The following MAGT1 variants were observed in gnomAD, a reference collection of about 807,000 sequenced individuals.
The protein encoded by MAGT1 is magnesium transporter 1.
A neutral mutation model predicts 28.4 loss-of-function variants in MAGT1; 4 were observed. The observed-to-expected ratio is 0.14, with a 90% CI of 0.07 to 0.32. The LOEUF (loss-of-function observed/expected upper bound fraction) is 0.32, where lower values mean the gene tolerates loss of function less well. Among genes scored for constraint, MAGT1 ranks in the 10% least tolerant of loss-of-function variants. MAGT1 has a pLI of 1.00. For missense variants in MAGT1, 193 were observed against 264.5 expected (o/e 0.73, Z 1.88); for synonymous variants, 89 against 89.7 (o/e 0.99, Z 0.04).
intron 1 of MAGT1, among the ~76,000 whole-genome samples, chrX:77,883,553 CTTTTT>C (rs1166624171): frequency 1.6e-5 from 1 of 61,710 alleles, no homozygotes; most frequent in African/African-American, 5.9e-5. Flanking sequence ...AATTCATTTT[CTTTTT>C]TTTTTTTTTT....
intron 1 of MAGT1, chrX:77,885,308 A>T (rs1557218905): frequency 1.9e-5 from 2 of 107,737 alleles, no homozygotes. Context: ...GCGGATCATG[A>T]GGTCAGGAGT....
At chrX:77,886,699 C>G (rs2086691408) in intron 1 of MAGT1, among the ~76,000 whole-genome samples, 1 of 111,179 alleles carries the variant, frequency 9.0e-6, no homozygotes, top group Non-Finnish European at 1.9e-5. Flanking sequence ...GATTTCATCC[C>G]CCAGTACATT....
At position 77,828,350 on chromosome X, in the gene MAGT1, G is replaced by A. The variant is rs1352369055; in HGVS notation, c.*870C>T. ...GGAGACTGAGGCGGGCGGATCACTT[G>A]AGCCCAGGAGTTCAAGACCAGCCTG... On this transcript the variant is annotated 3_prime_UTR_variant, in exon 10 of 10. Transcript: ENST00000618282. 2 of 109,712 alleles carry A rather than the reference G, an allele frequency of 1.8e-5. No homozygotes were observed. Among genetic ancestry groups the A allele is most frequent in the Non-Finnish European group, 3.8e-5 (2 of 52,703 alleles). The allele number at this position is 109,712 out of a possible 1,213,427, so 9.0% of individuals were successfully genotyped here. A position where few individuals can be genotyped will look rare whatever the true frequency, so the allele number is the denominator to read the frequency against.
chrX:77,886,567 C>T (rs377055289), intron 1 of MAGT1, among the ~76,000 whole-genome samples: 135 of 110,600 alleles, frequency 1.2e-3, no homozygotes, highest in South Asian at 3.1e-3. Context: ...CATTTGAGCC[C>T]AGAAATTTGA....
intron 8 of MAGT1, 82 bp downstream of exon 8, chrX:77,841,163 TA>T: frequency 1.3e-6 from 1 of 746,182 alleles, no homozygotes; most frequent in Non-Finnish European, 2.1e-6. Flanking sequence ...ACTTATCCTA[TA>T]AGTAAGAGGA....
chrX:77,830,935 G>GTA, intron 8 of MAGT1, 40 bp from the exon 9 acceptor site: 1 of 683,649 alleles, frequency 1.5e-6, no homozygotes. Flanking sequence ...AGCAGGTTGA[G>GTA]TATAATAAAT....
intron 6 of MAGT1, among the ~76,000 whole-genome samples, chrX:77,854,556 C>T (rs2076976816): frequency 9.1e-6 from 1 of 110,390 alleles, no homozygotes; most frequent in African/African-American, 3.3e-5. Flanking sequence ...ACTATGCTGC[C>T]CAAGTTGGTC....
At chrX:77,880,054 G>C (rs2077047264) in intron 1 of MAGT1, among the ~76,000 whole-genome samples, 1 of 102,986 alleles carries the variant, frequency 9.7e-6, no homozygotes, top group Non-Finnish European at 2.0e-5. Flanking sequence ...GGCCAGGCTG[G>C]TCTTGAACTC....
intron 2 of MAGT1, among the ~76,000 whole-genome samples, chrX:77,872,081 G>A (rs1205314771): frequency 9.2e-6 from 1 of 108,299 alleles, no homozygotes; most frequent in Admixed American, 1.0e-4. Context: ...CTCGCTCTGT[G>A]GCCCAGGCTG....
At chrX:77,881,478 CT>C (rs1298769247) in intron 1 of MAGT1, among the ~76,000 whole-genome samples, 2 of 100,598 alleles carry the variant, frequency 2.0e-5, no homozygotes, top group Non-Finnish European at 4.0e-5. Flanking sequence ...GGTGTTCTCA[CT>C]GTTCAATTCC....
chrX:77,862,994 C>T, intron 3 of MAGT1, among the ~76,000 whole-genome samples: 1 of 109,246 alleles, frequency 9.2e-6, no homozygotes. Context: ...TGGTGAAACC[C>T]TGTCTCTACT....
chrX:77,839,884 T>C (rs1197375925), intron 8 of MAGT1, among the ~76,000 whole-genome samples: 1 of 110,203 alleles, frequency 9.1e-6, no homozygotes, highest in Non-Finnish European at 1.9e-5. Context: ...TGACCTCAAG[T>C]GATCCACCCG....
intron 7 of MAGT1, among the ~76,000 whole-genome samples, chrX:77,847,310 G>A (rs949674927): frequency 4.4e-5 from 5 of 112,465 alleles, no homozygotes; most frequent in Admixed American, 9.4e-5. Context: ...GGAGTGACCC[G>A]ATTTTCCAGG....
chrX:77,868,699 A>C (rs1472465867), intron 3 of MAGT1: 5 of 284,304 alleles, frequency 1.8e-5, no homozygotes, highest in African/African-American at 1.4e-4. Flanking sequence ...AAGTGCCTGT[A>C]ATCCCAGCTA....
At chrX:77,887,367 G>T (rs1437078942) in intron 1 of MAGT1, among the ~76,000 whole-genome samples, 1 of 111,634 alleles carries the variant, frequency 9.0e-6, no homozygotes, top group Non-Finnish European at 1.9e-5. Context: ...CAAAGTGTTG[G>T]GATTACAAGT....
At chrX:77,847,936 T>G (rs782779201) in intron 7 of MAGT1, among the ~76,000 whole-genome samples, 4 of 111,587 alleles carry the variant, frequency 3.6e-5, no homozygotes, top group African/African-American at 1.3e-4. Context: ...TCTACAGGCT[T>G]TGATTTCTGG....
chrX:77,831,832 G>C (rs782007282), intron 8 of MAGT1, among the ~76,000 whole-genome samples: 2 of 106,247 alleles, frequency 1.9e-5, no homozygotes, highest in Non-Finnish European at 3.9e-5. Flanking sequence ...GGGCTCAAGT[G>C]ATCTTCCGCT....
Position 77,828,580 on chromosome X carries a change from C to T in MAGT1, c.*640G>A, listed in dbSNP as rs782322235. 9 of 110,838 alleles carry T rather than the reference C, an allele frequency of 8.1e-5. No homozygotes were observed. Among genetic ancestry groups the T allele is most frequent in the African/African-American group, 2.9e-4 (9 of 30,520 alleles). The allele number at this position is 110,838 out of a possible 1,213,427, so 9.1% of individuals were successfully genotyped here. A position where few individuals can be genotyped will look rare whatever the true frequency, so the allele number is the denominator to read the frequency against. On this transcript the variant is annotated 3_prime_UTR_variant, in exon 10 of 10. Transcript: ENST00000618282. ...AGACCGTCTCAAAAAAACAACAAAA[C>T]AAAAACAATCATAGACAGCACTGTA...
chrX:77,847,609 C>CTTTTT (rs782595247), intron 7 of MAGT1, among the ~76,000 whole-genome samples: 4 of 93,090 alleles, frequency 4.3e-5, no homozygotes, highest in Non-Finnish European at 6.5e-5. Context: ...TCATTTCTTT[C>CTTTTT]TTTTTTTTTT....
Sources: allele counts gnomAD v4.1 joint callset (sites outside exome capture counted in the v4.1 genomes callset), GRCh38; gene constraint gnomAD v4.1.1; transcripts MANE v1.5; gene names NCBI Gene and HGNC (gene_info 2026-07-23, HGNC 2026-07-21).